The following KLF12 variants were observed in gnomAD, a reference collection of about 807,000 sequenced individuals.
KLF12 encodes KLF transcription factor 12, also known as Krueppel-like factor 12.
KLF12 carries 9 observed loss-of-function variants against 37.8 expected under a neutral mutation model. That is an observed-to-expected ratio of 0.24 (90% CI 0.14 to 0.42). The LOEUF (loss-of-function observed/expected upper bound fraction) is 0.42. Among genes scored for constraint, KLF12 ranks in the 10% least tolerant of loss-of-function variants. KLF12 has a pLI of 1.00. For synonymous variants in KLF12, 208 were observed against 202.1 expected, an observed-to-expected ratio of 1.03 and a Z score of -0.25; for missense variants, 411 against 516.0, an observed-to-expected ratio of 0.80 and a Z score of 1.97.
At chr13:73,715,158 A>G (rs1875703241) in intron 7 of KLF12, among the ~76,000 whole-genome samples, 1 of 152,172 alleles carries the variant, frequency 6.6e-6, no homozygotes, top group Non-Finnish European at 1.5e-5. Context: ...CTAGATCACT[A>G]TGTTCCCAAC....
the KLF12 span, among the ~76,000 whole-genome samples, chr13:74,222,641 T>C: frequency 2.6e-5 from 4 of 152,342 alleles, no homozygotes; most frequent in East Asian, 3.9e-4. Context: ...ACAGTCATAA[T>C]AGAATTTTAA....
At chr13:73,856,417 G>A (rs1472792589) in intron 3 of KLF12, among the ~76,000 whole-genome samples, 1 of 152,200 alleles carries the variant, frequency 6.6e-6, no homozygotes, top group Non-Finnish European at 1.5e-5. Context: ...GAAGGTACGC[G>A]TTTTAAGGAA....
intron 3 of KLF12, among the ~76,000 whole-genome samples, chr13:73,905,329 C>T (rs1476968645): frequency 2.0e-5 from 3 of 149,822 alleles, no homozygotes; most frequent in Non-Finnish European, 4.4e-5. Context: ...AAATCTGAGA[C>T]AGCGCTAACC....
chr13:73,709,599 C>A (rs1037985687), intron 7 of KLF12, among the ~76,000 whole-genome samples: 1 of 152,102 alleles, frequency 6.6e-6, no homozygotes, highest in Non-Finnish European at 1.5e-5. Context: ...AAAAATCAAC[C>A]AAATTTCACT....
At chr13:74,243,812 G>T in the KLF12 span, among the ~76,000 whole-genome samples, 3 of 152,160 alleles carry the variant, frequency 2.0e-5, no homozygotes, top group African/African-American at 7.2e-5. Flanking sequence ...TCCACAATTG[G>T]AATAGGGTCC....
intron 4 of KLF12, among the ~76,000 whole-genome samples, chr13:73,825,734 T>C (rs1883800412): frequency 6.6e-6 from 1 of 152,112 alleles, no homozygotes; most frequent in African/African-American, 2.4e-5. Flanking sequence ...ACAGAGAAAT[T>C]CATACCGCTC....
chr13:73,929,560 T>A (rs568652876), intron 3 of KLF12, among the ~76,000 whole-genome samples: 1 of 152,136 alleles, frequency 6.6e-6, no homozygotes, highest in Admixed American at 6.5e-5. Context: ...ATCCCCTCCG[T>A]ATAGTTTAAG....
chr13:74,101,135 T>C (rs1593900514), intron 1 of KLF12, among the ~76,000 whole-genome samples: 1 of 152,178 alleles, frequency 6.6e-6, no homozygotes, highest in Admixed American at 6.5e-5. Context: ...CTATAGTCTG[T>C]TGCCACCTCC....
chr13:73,709,977 C>T (rs1875243568), intron 7 of KLF12, among the ~76,000 whole-genome samples: 1 of 152,084 alleles, frequency 6.6e-6, no homozygotes. Flanking sequence ...GTAGGGAGAA[C>T]TTTCAAGTCA....
intron 6 of KLF12, among the ~76,000 whole-genome samples, chr13:73,719,595 T>G (rs956581580): frequency 1.3e-5 from 2 of 151,928 alleles, no homozygotes; most frequent in Non-Finnish European, 2.9e-5. Flanking sequence ...CTACGCCCAT[T>G]TCCCCGAGTT....
At chr13:74,186,658 C>T in the KLF12 span, among the ~76,000 whole-genome samples, 2 of 152,114 alleles carry the variant, frequency 1.3e-5, no homozygotes, top group Non-Finnish European at 2.9e-5. Flanking sequence ...CTTCCATTTT[C>T]CTCCATGATA....
the KLF12 span, among the ~76,000 whole-genome samples, chr13:74,208,527 T>C: frequency 6.6e-6 from 1 of 152,202 alleles, no homozygotes; most frequent in Non-Finnish European, 1.5e-5. Flanking sequence ...AAGTAAATTA[T>C]AGATCATTTT....
chr13:73,909,108 C>A (rs1042346362), intron 3 of KLF12, among the ~76,000 whole-genome samples: 7 of 152,126 alleles, frequency 4.6e-5, no homozygotes, highest in African/African-American at 1.7e-4. Context: ...TCAACAGATG[C>A]AAGATTTATA....
chr13:74,000,447 G>A (rs1319885715), intron 1 of KLF12, among the ~76,000 whole-genome samples: 2 of 152,136 alleles, frequency 1.3e-5, no homozygotes, highest in Non-Finnish European at 2.9e-5. Context: ...ATTCAATAAA[G>A]ATCCCCTTGG....
At chr13:74,074,070 G>C (rs971466912) in intron 1 of KLF12, among the ~76,000 whole-genome samples, 1 of 152,136 alleles carries the variant, frequency 6.6e-6, no homozygotes, top group Non-Finnish European at 1.5e-5. Context: ...TGGAAAGCTA[G>C]AAATAACCAA....
chr13:74,253,637 C>T, the KLF12 span, among the ~76,000 whole-genome samples: 4 of 152,122 alleles, frequency 2.6e-5, no homozygotes, highest in African/African-American at 4.8e-5. Flanking sequence ...AACCTCTTTC[C>T]CATTAAAACT....
At chr13:74,242,959 C>G in the KLF12 span, among the ~76,000 whole-genome samples, 1 of 152,156 alleles carries the variant, frequency 6.6e-6, no homozygotes, top group East Asian at 1.9e-4. Context: ...TTTTCTTTTA[C>G]TTTAAGTTCT....
intron 6 of KLF12, among the ~76,000 whole-genome samples, chr13:73,752,373 C>T (rs934967459): frequency 2.7e-5 from 4 of 149,506 alleles, no homozygotes; most frequent in Non-Finnish European, 5.9e-5. Flanking sequence ...TTTTCTTCAT[C>T]TCAAGAACTG....
intron 4 of KLF12, among the ~76,000 whole-genome samples, chr13:73,832,471 C>T (rs1468473399): frequency 2.6e-5 from 4 of 152,138 alleles, no homozygotes; most frequent in Non-Finnish European, 5.9e-5. Context: ...CTGACAAAGG[C>T]CACACCGGAG....
Sources: gnomAD v4.1 joint callset for allele counts (sites outside exome capture counted in the v4.1 genomes callset) on GRCh38, gnomAD v4.1.1 for gene constraint, MANE v1.5 for transcripts, NCBI Gene and HGNC (gene_info 2026-07-23, HGNC 2026-07-21) for gene names.